The following KLF18 variants were observed in gnomAD, a reference collection of about 807,000 sequenced individuals.
The protein encoded by KLF18 is Kruppel-like factor 18.
rs146673638 is a variant in KLF18, at chr1:44,140,747, T to G, written c.885A>C (p.Thr295=). ...SNQTLCGEQM[T]TSTSNQTLCG... ...AGAGGGTCTGGTTACTAGTGGAGGT[T>G]GTCATCTGCTCTCCACAGAGGGTCT... The change falls in exon 1 of 2, where the codon ACA becomes ACC. Residue 295 remains threonine (T), a synonymous_variant. Transcript: ENST00000634670. 1 of 361,944 alleles carries G rather than the reference T, an allele frequency of 2.8e-6. No homozygotes were observed. The highest frequency in any genetic ancestry group is 4.8e-6 in the Non-Finnish European group (1 of 208,282). 22.4% of individuals were successfully genotyped at this position (361,944 alleles called of 1,614,324 possible). A position where few individuals can be genotyped will look rare whatever the true frequency, so the allele number is the denominator to read the frequency against.
chr1:44,140,113 A>C lies in KLF18; in HGVS notation c.1519T>G (p.Ser507Ala). The change falls in exon 1 of 2, where the codon TCC becomes GCC. Residue 507 changes from serine to alanine, a missense_variant. By Grantham distance (99) the Ser-to-Ala change is moderately conservative. Transcript: ENST00000634670. ...CCACAGAGGTTCTGGTTACCAGTGG[A>C]GGTCATCATCTGCCCCCAGTAGAGG... ...QTLYWGQMMT[S>A]TGNQNLCGEQ... 1 of 388,280 alleles carries C rather than the reference A, an allele frequency of 2.6e-6. No individual in the cohort carries two copies. Among genetic ancestry groups the C allele is most frequent in the Non-Finnish European group, 4.5e-6 (1 of 223,714 alleles). The allele number at this position is 388,280 out of a possible 1,614,324, so 24.1% of individuals were successfully genotyped here.
rs1643226405 is a variant in KLF18, at chr1:44,140,325, G to T, written c.1307C>A (p.Thr436Asn). The T allele has an allele frequency of 2.6e-5, 7 of 264,820 alleles. 2 individuals are homozygous for T. The highest frequency in any genetic ancestry group is 9.2e-5 in the East Asian group (2 of 21,782). 16.4% of individuals were successfully genotyped at this position (264,820 alleles called of 1,614,324 possible). A position where few individuals can be genotyped will look rare whatever the true frequency, so the allele number is the denominator to read the frequency against. The change falls in exon 1 of 2, where the codon ACC becomes AAC. Residue 436 changes from threonine to asparagine, a missense_variant. Transcript: ENST00000634670. ...ACAGAGGTTCTGGTTACCAGTGGAGGTCGTCATCTGCCCTCCACAGAGGGC... is the reference window on the plus strand; with the variant it reads ...ACAGAGGTTCTGGTTACCAGTGGAGTTCGTCATCTGCCCTCCACAGAGGGC... ...NQALCGGQMT[T>N]STGNQNLCGE...
rs61734380 is a variant in KLF18 at position 44,140,904 on chromosome 1, C to T, written c.728G>A (p.Gly243Asp). ...LCGEQMTTSSGNQAFYGRQMT... is the reference protein window; with the variant it reads ...LCGEQMTTSSDNQAFYGRQMT... The stretch of plus-strand genomic sequence containing the variant: ...CTGTCTCCCGTAGAAGGCCTGGTTA[C>T]CACTGGAGGTCGTCATCTGCTCCCC... Residue 243 changes from glycine (G) to aspartate (D), a missense_variant, in exon 1 of 2, where the codon GGT becomes GAT. Physicochemically the swap from Gly to Asp is moderately conservative, Grantham distance 94. Transcript: ENST00000634670. 9,447 of 392,628 alleles carry T rather than the reference C, an allele frequency of 0.024. 726 individuals carry two copies. Among genetic ancestry groups the T allele is most frequent in the African/African-American group, 0.17 (8,419 of 48,468 alleles). The allele number at this position is 392,628 out of a possible 1,614,324, so 24.3% of individuals were successfully genotyped here. A position where few individuals can be genotyped will look rare whatever the true frequency, so the allele number is the denominator to read the frequency against.
intron 1 of KLF18, 110 bp from the exon 2 acceptor site, chr1:44,138,121 G>C (rs1048845908): frequency 3.0e-5 from 12 of 397,494 alleles, no homozygotes; most frequent in African/African-American, 2.5e-4. Context: ...GGGAGAGGGA[G>C]AGCCAGAAGA....
In KLF18 at chr1:44,138,914, C is replaced by T. The variant is rs1643197089; in HGVS notation, c.2718G>A (p.Thr906=). ...CATAAAGGCTGTGGTCATCAGTGAG[C>T]GTTGTCATATTGCCCACCTGAAGAG... ...MLTLQVGNMT[T]LTDDHSLYGG... is the part of the protein sequence containing the mutation. Residue 906 remains threonine (T), a synonymous_variant, in exon 1 of 2, where the codon ACG becomes ACA. Coordinates refer to ENST00000634670, the MANE Select transcript of KLF18 (RefSeq NM_001358438.1). 1 of 398,634 alleles carries T rather than the reference C, an allele frequency of 2.5e-6. No individual in the cohort carries two copies. The highest frequency in any genetic ancestry group is 4.4e-6 in the Non-Finnish European group (1 of 226,098). 24.7% of individuals were successfully genotyped at this position (398,634 alleles called of 1,614,324 possible). A position where few individuals can be genotyped will look rare whatever the true frequency, so the allele number is the denominator to read the frequency against.
Position 44,141,198 on chromosome 1 carries a change from T to A in KLF18, c.434A>T (p.Asn145Ile), listed in dbSNP as rs987710518. The A allele has an allele frequency of 2.5e-6, 1 of 398,480 alleles. No homozygotes were observed. Among genetic ancestry groups the A allele is most frequent in the African/African-American group, 2.1e-5 (1 of 48,602 alleles). The allele number at this position is 398,480 out of a possible 1,614,324, so 24.7% of individuals were successfully genotyped here. ...TITASNMTIS[N>I]ESSQLNTPSS... The stretch of plus-strand genomic sequence containing the variant: ...TGGGGTGTTCAGCTGGCTACTTTCA[T>A]TGGAGATTGTCATGTTGCTTGCAGT... Residue 145 changes from asparagine to isoleucine, a missense_variant, in exon 1 of 2, where the codon AAT becomes ATT. By Grantham distance (149) the Asn-to-Ile change is moderately radical. Transcript: ENST00000634670.
rs1572000926 is a variant in KLF18 at position 44,141,308 on chromosome 1, C to T, written c.324G>A (p.Gln108=). 3 of 398,492 alleles carry T rather than the reference C, an allele frequency of 7.5e-6. No homozygotes were observed. Among genetic ancestry groups the T allele is most frequent in the East Asian group, 7.1e-5 (2 of 28,086 alleles). The allele number at this position is 398,492 out of a possible 1,614,324, so 24.7% of individuals were successfully genotyped here. Residue 108 remains glutamine (Q), a synonymous_variant, in exon 1 of 2, where the codon CAG becomes CAA. Transcript: ENST00000634670. ...SMGQKVTSFD[Q]VKHTAGSQMT... is the part of the protein sequence containing the mutation. ...TCTGGGAGCCTGCTGTGTGTTTTAC[C>T]TGATCAAAGGAAGTCACTTTCTGGC...
At position 44,138,666 on chromosome 1, in the gene KLF18, G is replaced by A; in HGVS notation, c.2966C>T (p.Thr989Ile). 5.0e-6 allele frequency: 2 copies of A among 398,616 alleles called. No individual in the cohort carries two copies. Among genetic ancestry groups the A allele is most frequent in the Non-Finnish European group, 8.8e-6 (2 of 226,058 alleles). The allele number at this position is 398,616 out of a possible 1,614,324, so 24.7% of individuals were successfully genotyped here. A position where few individuals can be genotyped will look rare whatever the true frequency, so the allele number is the denominator to read the frequency against. Reference sequence around the variant, plus strand: ...CCTGTTTCTGGGCCCTCACTCACCGGTGTGCTTGCGCATGTGGGTTCGGAG... The same window carrying A: ...CCTGTTTCTGGGCCCTCACTCACCGATGTGCTTGCGCATGTGGGTTCGGAG... ...CHLRTHMRKH[T>I]GEKPYVCDVE... The change falls in exon 1 of 2, where the codon ACC becomes ATC. Residue 989 changes from threonine (T) to isoleucine (I), a missense_variant and splice_region_variant. Physicochemically the swap from Thr to Ile is moderately conservative, Grantham distance 89 (BLOSUM62 -1). Coordinates refer to ENST00000634670, the MANE Select transcript of KLF18 (RefSeq NM_001358438.1).
chr1:44,139,633 G>A lies in KLF18; in HGVS notation c.1999C>T (p.Leu667Phe), dbSNP rs1455112346. The part of the protein sequence containing the change: ...QVMTSTGNQA[L>F]CGEQMTTSTG... ...GAGGTTGTCATCTGCTCTCCACAGA[G>A]GGCCTGGTTACCAGTGGAGGTCATC... The change falls in exon 1 of 2, where the codon CTC becomes TTC. Residue 667 changes from leucine to phenylalanine, a missense_variant. Physicochemically the swap from Leu to Phe is conservative, Grantham distance 22. Coordinates refer to ENST00000634670, the MANE Select transcript of KLF18 (RefSeq NM_001358438.1). The A allele has an allele frequency of 2.5e-6, 1 of 397,964 alleles. No individual in the cohort carries two copies. 24.7% of individuals were successfully genotyped at this position (397,964 alleles called of 1,614,324 possible). A position where few individuals can be genotyped will look rare whatever the true frequency, so the allele number is the denominator to read the frequency against.
In KLF18 at chr1:44,139,147, A is replaced by G. The variant is rs1288221892; in HGVS notation, c.2485T>C (p.Ser829Pro). 5.4e-5 allele frequency: 21 copies of G among 385,494 alleles called. No homozygotes were observed. Among genetic ancestry groups the G allele is most frequent in the Non-Finnish European group, 7.2e-5 (16 of 222,222 alleles). The allele number at this position is 385,494 out of a possible 1,614,324, so 23.9% of individuals were successfully genotyped here. A position where few individuals can be genotyped will look rare whatever the true frequency, so the allele number is the denominator to read the frequency against. Residue 829 changes from serine (S) to proline (P), a missense_variant, in exon 1 of 2, where the codon TCC (serine) becomes CCC (proline). Transcript: ENST00000634670. ...CCACAGAGGGTCTGGTTACTAGTGG[A>G]GGTCGTCATCTGCTCTCCACAGAGG... ...QTLCGEQMTT[S>P]TSNQTLCGEQ...
rs1002208231 is a variant in KLF18 at position 44,139,283 on chromosome 1, C to G, written c.2349G>C (p.Gln783His). The change falls in exon 1 of 2, where the codon CAG becomes CAC. Residue 783 changes from glutamine to histidine, a missense_variant. By Grantham distance (24) the Gln-to-His change is conservative. Transcript: ENST00000634670. ...TCTGGTTACTAGTGGGGGTCGTCATCTGCTCTCCACAGAGGGTCTGGTTAC... is the reference window on the plus strand; with the variant it reads ...TCTGGTTACTAGTGGGGGTCGTCATGTGCTCTCCACAGAGGGTCTGGTTAC... ...STSNQTLCGE[Q>H]MTTPTSNQTL... is the part of the protein sequence containing the mutation. 1.8e-5 allele frequency: 7 copies of G among 387,954 alleles called. No homozygotes were observed. Among genetic ancestry groups the G allele is most frequent in the African/African-American group, 4.3e-5 (2 of 46,960 alleles). The allele number at this position is 387,954 out of a possible 1,614,324, so 24.0% of individuals were successfully genotyped here.
Position 44,141,231 on chromosome 1 carries a change from G to A in KLF18, c.401C>T (p.Thr134Ile). The change falls in exon 1 of 2, where the codon ACA becomes ATA. Residue 134 changes from threonine (T) to isoleucine (I), a missense_variant. Thr to Ile is a moderately conservative substitution (Grantham distance 89). Coordinates refer to ENST00000634670, the MANE Select transcript of KLF18 (RefSeq NM_001358438.1). ...PKSSPTDCQK[T>I]TITASNMTIS... Reference sequence around the variant, plus strand: ...TGTCATGTTGCTTGCAGTGATGGTTGTCTTCTGGCAATCAGTGGGTGATGA... The same window carrying A: ...TGTCATGTTGCTTGCAGTGATGGTTATCTTCTGGCAATCAGTGGGTGATGA... 2.5e-6 allele frequency: 1 copy of A among 398,670 alleles called. No homozygotes were observed. The highest frequency in any genetic ancestry group is 4.4e-6 in the Non-Finnish European group (1 of 226,126). 24.7% of individuals were successfully genotyped at this position (398,670 alleles called of 1,614,324 possible).
At position 44,141,143 on chromosome 1, in the gene KLF18, C is replaced by T. The variant is rs1325497551; in HGVS notation, c.489G>A (p.Gln163=). ...PSSDQTLNES[Q]IPALLGDQMK... ...TCTGATCTCCAAGCAGGGCTGGTAT[C>T]TGACTCTCATTGAGGGTCTGGTCAC... The change falls in exon 1 of 2, where the codon CAG becomes CAA. Residue 163 remains glutamine, a synonymous_variant. Coordinates refer to ENST00000634670, the MANE Select transcript of KLF18 (RefSeq NM_001358438.1). 3 of 398,472 alleles carry T rather than the reference C, an allele frequency of 7.5e-6. No individual in the cohort carries two copies. The Admixed American group carries it at 1.3e-4, about 18-fold the overall frequency. 24.7% of individuals were successfully genotyped at this position (398,472 alleles called of 1,614,324 possible). A position where few individuals can be genotyped will look rare whatever the true frequency, so the allele number is the denominator to read the frequency against.
rs1485195165 is a variant in KLF18 at position 44,141,014 on chromosome 1, C to G, written c.618G>C (p.Glu206Asp). 1 of 398,712 alleles carries G rather than the reference C, an allele frequency of 2.5e-6. No individual in the cohort carries two copies. The allele number at this position is 398,712 out of a possible 1,614,324, so 24.7% of individuals were successfully genotyped here. ...DGHTVTSGSD[E>D]TLSGGQMTTS... ...TTGTCATTTGGCCCCCAGAGAGGGTCTCATCGCTACCGGAAGTCACTGTAT... is the reference window on the plus strand; with the variant it reads ...TTGTCATTTGGCCCCCAGAGAGGGTGTCATCGCTACCGGAAGTCACTGTAT... Residue 206 changes from glutamate to aspartate, a missense_variant, in exon 1 of 2, where the codon GAG (glutamate) becomes GAC (aspartate). By Grantham distance (45) the Glu-to-Asp change is conservative. Transcript: ENST00000634670.
chr1:44,141,257 C>G lies in KLF18; in HGVS notation c.375G>C (p.Lys125Asn), dbSNP rs1643237623. 2.5e-6 allele frequency: 1 copy of G among 398,478 alleles called. No individual in the cohort carries two copies. The highest frequency in any genetic ancestry group is 1.3e-4 in the South Asian group (1 of 7,860). 24.7% of individuals were successfully genotyped at this position (398,478 alleles called of 1,614,324 possible). A position where few individuals can be genotyped will look rare whatever the true frequency, so the allele number is the denominator to read the frequency against. ...SQMTDVTVTP[K>N]SSPTDCQKTT... ...TCTTCTGGCAATCAGTGGGTGATGA[C>G]TTTGGGGTGACAGTAACATCTGTCA... The change falls in exon 1 of 2, where the codon AAG becomes AAC. Residue 125 changes from lysine (K) to asparagine (N), a missense_variant. Lys to Asn is a moderately conservative substitution (Grantham distance 94). Coordinates refer to ENST00000634670, the MANE Select transcript of KLF18 (RefSeq NM_001358438.1).
In KLF18 at chr1:44,141,543, G is replaced by A. The variant is rs1643240272; in HGVS notation, c.89C>T (p.Pro30Leu). Residue 30 changes from proline (P) to leucine (L), a missense_variant, in exon 1 of 2, where the codon CCA (proline) becomes CTA (leucine). Transcript: ENST00000634670. ...ACAGTTCTGTGGTTCTGGTGCATCT[G>A]GGGTTTCTGCCTGTTCTGTATGCCG... ...SERHTEQAET[P>L]DAPEPQNCMP... 1 of 398,462 alleles carries A rather than the reference G, an allele frequency of 2.5e-6. No individual in the cohort carries two copies. Among genetic ancestry groups the A allele is most frequent in the South Asian group, 1.3e-4 (1 of 7,852 alleles). The allele number at this position is 398,462 out of a possible 1,614,324, so 24.7% of individuals were successfully genotyped here.
chr1:44,138,211 G>T (rs1188392895), intron 1 of KLF18, among the ~76,000 whole-genome samples, 200 bp from the exon 2 acceptor site: 1 of 152,058 alleles, frequency 6.6e-6, no homozygotes, highest in African/African-American at 2.4e-5. Flanking sequence ...AAACTGTGAA[G>T]AAGGGAAGAA....
In KLF18 at chr1:44,141,279, G is replaced by A; in HGVS notation, c.353C>T (p.Thr118Ile). The A allele has an allele frequency of 5.0e-6, 2 of 398,648 alleles. No homozygotes were observed. The highest frequency in any genetic ancestry group is 7.1e-5 in the East Asian group (2 of 28,072). 24.7% of individuals were successfully genotyped at this position (398,648 alleles called of 1,614,324 possible). ...QVKHTAGSQMTDVTVTPKSSP... is the reference protein window; with the variant it reads ...QVKHTAGSQMIDVTVTPKSSP... ...TGACTTTGGGGTGACAGTAACATCTGTCATCTGGGAGCCTGCTGTGTGTTT... is the reference window on the plus strand; with the variant it reads ...TGACTTTGGGGTGACAGTAACATCTATCATCTGGGAGCCTGCTGTGTGTTT... The change falls in exon 1 of 2, where the codon ACA (threonine) becomes ATA (isoleucine). Residue 118 changes from threonine to isoleucine, a missense_variant. Physicochemically the swap from Thr to Ile is moderately conservative, Grantham distance 89 (BLOSUM62 -1). Transcript: ENST00000634670.
chr1:44,141,017 A>T lies in KLF18; in HGVS notation c.615T>A (p.Asp205Glu), dbSNP rs946523628. 2.5e-6 allele frequency: 1 copy of T among 398,566 alleles called. No individual in the cohort carries two copies. The allele number at this position is 398,566 out of a possible 1,614,324, so 24.7% of individuals were successfully genotyped here. Residue 205 changes from aspartate to glutamate, a missense_variant, in exon 1 of 2, where the codon GAT becomes GAA. Physicochemically the swap from Asp to Glu is conservative, Grantham distance 45. Coordinates refer to ENST00000634670, the MANE Select transcript of KLF18 (RefSeq NM_001358438.1). ...TDGHTVTSGS[D>E]ETLSGGQMTT... ...TCATTTGGCCCCCAGAGAGGGTCTC[A>T]TCGCTACCGGAAGTCACTGTATGAC...
Sources: gnomAD v4.1 joint callset for allele counts (sites outside exome capture counted in the v4.1 genomes callset) on GRCh38, gnomAD v4.1.1 for gene constraint, MANE v1.5 for transcripts, NCBI Gene and HGNC (gene_info 2026-07-23, HGNC 2026-07-21) for gene names.